MSRA: variants seen among roughly 807,000 people sequenced by gnomAD.
MSRA encodes the protein mitochondrial peptide methionine sulfoxide reductase.
In MSRA, 54 loss-of-function variants were observed where a neutral mutation model predicts 31.3. The observed-to-expected ratio is 1.73, with a 90% CI of 1.39 to 2.17. The LOEUF (loss-of-function observed/expected upper bound fraction) is 2.17, where lower values mean the gene tolerates loss of function less well. Ranked by LOEUF, MSRA falls within the 30% of genes most tolerant of loss-of-function variation. The probability of loss-of-function intolerance (pLI) is 0.00; values close to 1 mark genes in which losing one functional copy is unlikely to be tolerated. For synonymous variants in MSRA, 169 were observed against 116.5 expected, an observed-to-expected ratio of 1.45 and a Z score of -2.90; for missense variants, 507 against 300.9, an observed-to-expected ratio of 1.69 and a Z score of -5.07.
At chr8:10,331,604 C>T (rs537731439) in intron 5 of MSRA, among the ~76,000 whole-genome samples, 12 of 152,286 alleles carry the variant, frequency 7.9e-5, no homozygotes, top group South Asian at 2.1e-4. Context: ...AAGCTTTTCA[C>T]CCATGCTGTG....
At chr8:10,127,587 TTAA>T (rs1801593460) in intron 1 of MSRA, among the ~76,000 whole-genome samples, 2 of 152,202 alleles carry the variant, frequency 1.3e-5, no homozygotes, top group Admixed American at 1.3e-4. Context: ...GGATGATACA[TTAA>T]TGTTTTCCAG....
intron 5 of MSRA, among the ~76,000 whole-genome samples, chr8:10,388,505 G>C (rs1321880000): frequency 2.0e-5 from 3 of 152,186 alleles, no homozygotes; most frequent in African/African-American, 7.2e-5. Context: ...GCATATTTCA[G>C]AGTGGCATAT....
chr8:10,212,698 G>A (rs1389203699), intron 2 of MSRA, among the ~76,000 whole-genome samples: 2 of 152,124 alleles, frequency 1.3e-5, no homozygotes, highest in Non-Finnish European at 2.9e-5. Flanking sequence ...GGGATGTAGG[G>A]TAATGAATTC....
intron 5 of MSRA, among the ~76,000 whole-genome samples, chr8:10,401,827 T>G (rs762340258): frequency 2.2e-4 from 33 of 152,222 alleles, no homozygotes; most frequent in Non-Finnish European, 2.9e-5. Flanking sequence ...TACTGTATGA[T>G]TCCTCTTATA....
At chr8:10,080,712 A>G (rs1421860230) in intron 1 of MSRA, among the ~76,000 whole-genome samples, 5 of 124,424 alleles carry the variant, frequency 4.0e-5, no homozygotes, top group Admixed American at 3.2e-4. Flanking sequence ...TTTTTTTTTT[A>G]ATTTCTAGTA....
chr8:10,359,863 T>G (rs887533256), intron 5 of MSRA, among the ~76,000 whole-genome samples: 1 of 152,194 alleles, frequency 6.6e-6, no homozygotes, highest in Non-Finnish European at 1.5e-5. Context: ...CATGTGGACT[T>G]TCTAACCTTA....
chr8:10,145,395 T>G (rs2129033244), intron 1 of MSRA, among the ~76,000 whole-genome samples: 1 of 152,354 alleles, frequency 6.6e-6, no homozygotes, highest in East Asian at 1.9e-4. Context: ...TCAAGTGTGT[T>G]TAATCCATGT....
chr8:10,065,324 G>T (rs1797402717), intron 1 of MSRA, among the ~76,000 whole-genome samples: 1 of 152,172 alleles, frequency 6.6e-6, no homozygotes, highest in Non-Finnish European at 1.5e-5. Context: ...TTCACCTGGT[G>T]GCCCATCCTC....
At position 10,301,834 on chromosome 8, in the gene MSRA, C is replaced by T. The variant is rs184577309; in HGVS notation, c.436+196C>T. 5.9e-3 allele frequency among the ~76,000 whole-genome samples: 899 copies of T among 152,236 alleles called. 7 individuals carry two copies. Among genetic ancestry groups the T allele is most frequent in the Middle Eastern group, 0.044 (13 of 294 alleles). On this transcript the variant is annotated intron_variant, in intron 4 of 5. Coordinates refer to ENST00000317173, the MANE Select transcript of MSRA (RefSeq NM_012331.5). ...AGAATAAAGGCACAGCCACATTCGGCGCCCCTGCCCCCCTTACAGCTGTCA... is the reference window on the plus strand; with the variant it reads ...AGAATAAAGGCACAGCCACATTCGGTGCCCCTGCCCCCCTTACAGCTGTCA...
At chr8:10,302,651 G>A (rs140746543) in intron 4 of MSRA, among the ~76,000 whole-genome samples, 1 of 152,364 alleles carries the variant, frequency 6.6e-6, no homozygotes, top group East Asian at 1.9e-4. Context: ...GGTCAGAGAT[G>A]AGGCAAGAGC....
intron 3 of MSRA, among the ~76,000 whole-genome samples, chr8:10,269,845 GT>G (rs1798936771): frequency 6.6e-6 from 1 of 152,206 alleles, no homozygotes; most frequent in East Asian, 1.9e-4. Context: ...TAGAGACGGG[GT>G]TTCACCGTGT....
At chr8:10,246,904 G>A (rs550703044) in intron 3 of MSRA, among the ~76,000 whole-genome samples, 1 of 152,256 alleles carries the variant, frequency 6.6e-6, no homozygotes, top group South Asian at 2.1e-4. Flanking sequence ...GATCACCCAG[G>A]TGTATCCTCT....
chr8:10,112,290 T>G (rs934855557), intron 1 of MSRA, among the ~76,000 whole-genome samples: 1 of 152,218 alleles, frequency 6.6e-6, no homozygotes, highest in South Asian at 2.1e-4. Flanking sequence ...TTGATAGATA[T>G]GCAAAAGCCA....
rs754816797 is a variant in MSRA, at chr8:10,221,241, A to G, written c.211+13340A>G. Among the ~76,000 whole-genome samples, 47 of 152,280 alleles carry G rather than the reference A, an allele frequency of 3.1e-4. 1 individual carries two copies. Among genetic ancestry groups the G allele is most frequent in the Middle Eastern group, 3.4e-3 (1 of 294 alleles). On this transcript the variant is annotated intron_variant, in intron 2 of 5. Coordinates refer to ENST00000317173, the MANE Select transcript of MSRA (RefSeq NM_012331.5). ...ATGACCAGACATCTGCACCAACTGA[A>G]TGACAAACAGCTTTTCAATTGCTGT...
At chr8:10,300,585 C>A (rs1404383756) in intron 3 of MSRA, among the ~76,000 whole-genome samples, 1 of 152,092 alleles carries the variant, frequency 6.6e-6, no homozygotes. Context: ...GATGGGGTTT[C>A]ACCAGATTGG....
At position 10,418,429 on chromosome 8, in the gene MSRA, C is replaced by A. The variant is rs571988651; in HGVS notation, c.544-9719C>A. ...GCCTGCCCATTTCCGGAGCCCTGTG[C>A]CTGGCGACTGCTGGGGGATGGGCAG... On this transcript the variant is annotated intron_variant, in intron 5 of 5. Transcript: ENST00000317173. 1.1e-4 allele frequency among the ~76,000 whole-genome samples: 17 copies of A among 152,214 alleles called. 1 individual carries two copies. In the South Asian group the frequency reaches 2.9e-3, roughly 26 times the overall value.
At chr8:10,251,531 T>C (rs1428266760) in intron 3 of MSRA, among the ~76,000 whole-genome samples, 1 of 152,178 alleles carries the variant, frequency 6.6e-6, no homozygotes, top group Non-Finnish European at 1.5e-5. Flanking sequence ...ATTCCTCTTA[T>C]TTTAGGCGTA....
intron 3 of MSRA, among the ~76,000 whole-genome samples, chr8:10,260,508 T>A (rs1177125660): frequency 6.6e-6 from 1 of 152,206 alleles, no homozygotes; most frequent in East Asian, 1.9e-4. Flanking sequence ...ACAGATGGAC[T>A]GGTCACGTAG....
At chr8:10,421,000 A>G (rs1808780654) in intron 5 of MSRA, among the ~76,000 whole-genome samples, 1 of 152,146 alleles carries the variant, frequency 6.6e-6, no homozygotes, top group Admixed American at 6.5e-5. Context: ...CTGTCTCCAA[A>G]AACAAACCAC....
Sources: gnomAD v4.1 joint callset for allele counts (sites outside exome capture counted in the v4.1 genomes callset) on GRCh38, gnomAD v4.1.1 for gene constraint, MANE v1.5 for transcripts, NCBI Gene and HGNC (gene_info 2026-07-23, HGNC 2026-07-21) for gene names.